Variants in PCDH7 observed in about 807,000 individuals in gnomAD.
PCDH7 encodes protocadherin 7.
In PCDH7, 17 loss-of-function variants were observed where a neutral mutation model predicts 58.9. That is an observed-to-expected ratio of 0.29 (90% confidence interval 0.20 to 0.43). PCDH7 has a LOEUF of 0.43. Among genes scored for constraint, PCDH7 ranks in the 20% least tolerant of loss-of-function variants. PCDH7 has a pLI of 1.00. For missense variants in PCDH7, 1,274 were observed against 1,441.0 expected, an observed-to-expected ratio of 0.88 and a Z score of 1.88; for synonymous variants, 664 against 616.4, an observed-to-expected ratio of 1.08 and a Z score of -1.14.
chr4:30,950,857 C>T (rs1747287198), intron 3 of PCDH7, among the ~76,000 whole-genome samples: 1 of 152,160 alleles, frequency 6.6e-6, no homozygotes, highest in South Asian at 2.1e-4. Flanking sequence ...AGATATCCTT[C>T]ATTCAGGGTG....
At chr4:31,012,170 C>T (rs773810248) in intron 3 of PCDH7, among the ~76,000 whole-genome samples, 1 of 151,998 alleles carries the variant, frequency 6.6e-6, no homozygotes, top group African/African-American at 2.4e-5. Context: ...ACATCCATCT[C>T]TCGGGTTTGA....
At chr4:30,852,879 C>T (rs1267896802) in intron 1 of PCDH7, among the ~76,000 whole-genome samples, 5 of 147,054 alleles carry the variant, frequency 3.4e-5, no homozygotes, top group South Asian at 2.2e-4. Flanking sequence ...GAATTTGATT[C>T]GGCTTCACTG....
chr4:31,005,714 G>A (rs1163692726), intron 3 of PCDH7, among the ~76,000 whole-genome samples: 2 of 152,154 alleles, frequency 1.3e-5, no homozygotes, highest in Admixed American at 6.5e-5. Context: ...TGTAAAATAC[G>A]TGAAACATAG....
chr4:30,843,151 C>CT (rs1560426753), intron 1 of PCDH7, among the ~76,000 whole-genome samples: 3 of 149,758 alleles, frequency 2.0e-5, no homozygotes, highest in East Asian at 2.0e-4. Flanking sequence ...TTCTACGAAT[C>CT]TTTTTTTTGG....
intron 3 of PCDH7, among the ~76,000 whole-genome samples, chr4:31,023,286 G>C (rs1057472164): frequency 1.6e-4 from 25 of 152,260 alleles, no homozygotes; most frequent in African/African-American, 6.0e-4. Context: ...GGTTTAAAGA[G>C]GTCTGGAGGT....
chr4:31,138,801 A>G (rs922691935), intron 3 of PCDH7, among the ~76,000 whole-genome samples: 1 of 152,018 alleles, frequency 6.6e-6, no homozygotes, highest in East Asian at 1.9e-4. Flanking sequence ...GTGAAACCCC[A>G]TTGTATTTTG....
At chr4:30,893,679 T>C (rs1738906931) in intron 1 of PCDH7, among the ~76,000 whole-genome samples, 2 of 152,136 alleles carry the variant, frequency 1.3e-5, no homozygotes, top group South Asian at 4.1e-4. Flanking sequence ...CAAAGACACC[T>C]ATAACTGTGT....
At chr4:31,121,906 T>G (rs1269427422) in intron 3 of PCDH7, among the ~76,000 whole-genome samples, 1 of 152,146 alleles carries the variant, frequency 6.6e-6, no homozygotes, top group Non-Finnish European at 1.5e-5. Flanking sequence ...GAGGAAAAAC[T>G]TCATGGTGCT....
At chr4:30,866,697 CA>C (rs201849602) in intron 1 of PCDH7, among the ~76,000 whole-genome samples, 2,188 of 127,454 alleles carry the variant, frequency 0.017, 22 homozygotes, top group African/African-American at 0.038. Context: ...GAATCTCTGG[CA>C]AAAAAAAAAA....
At position 31,028,765 on chromosome 4, in the gene PCDH7, T is replaced by C. The variant is rs892237037; in HGVS notation, c.*7+78550T>C. On this transcript the variant is annotated intron_variant, in intron 3 of 3. Coordinates refer to the PCDH7 transcript ENST00000509759. ...ACAGTTCTTCATGATGGATAATGCATGAGATGAAAAACATCGAAAAACATG... is the reference window on the plus strand; with the variant it reads ...ACAGTTCTTCATGATGGATAATGCACGAGATGAAAAACATCGAAAAACATG... Among the ~76,000 whole-genome samples, 5 of 152,118 alleles carry C rather than the reference T, an allele frequency of 3.3e-5. No individual in the cohort carries two copies. In the East Asian group the frequency reaches 5.8e-4, roughly 18 times the overall value.
At chr4:31,126,912 G>C (rs1430416354) in intron 3 of PCDH7, among the ~76,000 whole-genome samples, 1 of 152,124 alleles carries the variant, frequency 6.6e-6, no homozygotes, top group Non-Finnish European at 1.5e-5. Flanking sequence ...AATACACAAA[G>C]ACTTGCAGAA....
At chr4:31,059,085 C>T (rs1171508962) in intron 3 of PCDH7, among the ~76,000 whole-genome samples, 1 of 151,936 alleles carries the variant, frequency 6.6e-6, no homozygotes, top group African/African-American at 2.4e-5. Flanking sequence ...TTAGAATTTA[C>T]TTCTTAAAAT....
At chr4:31,067,220 T>TG (rs1230718014) in intron 3 of PCDH7, among the ~76,000 whole-genome samples, 1 of 151,946 alleles carries the variant, frequency 6.6e-6, no homozygotes, top group Non-Finnish European at 1.5e-5. Context: ...TTAGGGCCAG[T>TG]GCCCATGAAT....
chr4:30,983,103 T>C (rs1164965801), intron 3 of PCDH7, among the ~76,000 whole-genome samples: 1 of 152,180 alleles, frequency 6.6e-6, no homozygotes, highest in Admixed American at 6.5e-5. Flanking sequence ...GGGGGCATCT[T>C]TCACAGCTTA....
At chr4:30,974,898 T>G (rs114001537) in intron 3 of PCDH7, among the ~76,000 whole-genome samples, 1,730 of 152,298 alleles carry the variant, frequency 0.011, 33 homozygotes, top group Admixed American at 0.048. Flanking sequence ...TTTTATTTAG[T>G]TGGCTTGTAT....
At chr4:30,984,372 T>C (rs1368849029) in intron 3 of PCDH7, among the ~76,000 whole-genome samples, 1 of 152,298 alleles carries the variant, frequency 6.6e-6, no homozygotes, top group East Asian at 1.9e-4. Context: ...TGTGAGAACA[T>C]ATGGAAAGAG....
chr4:30,972,280 GT>G (rs1232768145), intron 3 of PCDH7, among the ~76,000 whole-genome samples: 1 of 151,702 alleles, frequency 6.6e-6, no homozygotes, highest in South Asian at 2.1e-4. Context: ...TTAACATAGT[GT>G]TTTTTTTATA....
intron 3 of PCDH7, among the ~76,000 whole-genome samples, chr4:31,137,979 C>T (rs982051922): frequency 6.6e-6 from 1 of 152,152 alleles, no homozygotes; most frequent in African/African-American, 2.4e-5. Context: ...ATGCAAAACT[C>T]AGCATACTTA....
intron 2 of PCDH7, among the ~76,000 whole-genome samples, chr4:30,933,725 T>C (rs2109428808): frequency 6.6e-6 from 1 of 152,322 alleles, no homozygotes; most frequent in Non-Finnish European, 1.5e-5. Context: ...CTGTTACTCT[T>C]GTGTAGGTGG....
Sources: allele counts gnomAD v4.1 joint callset (sites outside exome capture counted in the v4.1 genomes callset), GRCh38; gene constraint gnomAD v4.1.1; transcripts MANE v1.5; gene names NCBI Gene and HGNC (gene_info 2026-07-23, HGNC 2026-07-21).